Variants in RIBC2 observed in about 807,000 individuals in gnomAD.
The protein encoded by RIBC2 is RIB43A-like with coiled-coils protein 2.
In RIBC2, 40 loss-of-function variants were observed where a neutral mutation model predicts 44.3. That is an observed-to-expected ratio of 0.90 (90% confidence interval 0.70 to 1.18). The LOEUF (loss-of-function observed/expected upper bound fraction) is 1.18, where lower values mean the gene tolerates loss of function less well. Ranked by LOEUF, RIBC2 falls within the 50% of genes most tolerant of loss-of-function variation. The pLI is 0.00. For synonymous variants in RIBC2, 171 were observed against 175.0 expected (o/e 0.98, Z 0.18); for missense variants, 459 against 485.5 (o/e 0.95, Z 0.51).
At chr22:45,419,659 G>A (rs796782846) in intron 3 of RIBC2, among the ~76,000 whole-genome samples, 1 of 151,428 alleles carries the variant, frequency 6.6e-6, no homozygotes, top group South Asian at 2.1e-4. Flanking sequence ...ACTGAGCCTG[G>A]AAGGTCAAGG....
Position 45,426,281 on chromosome 22 carries a change from C to A in RIBC2, c.903+106C>A, listed in dbSNP as rs5765345. On this transcript the variant is annotated intron_variant, in intron 5 of 6. Transcript: ENST00000614167. ...TAGCAGGCCTTGTGCTCTGCCCTAGCACCTGCCCTCAAGGAGTTTCCCTTC... is the reference window on the plus strand; with the variant it reads ...TAGCAGGCCTTGTGCTCTGCCCTAGAACCTGCCCTCAAGGAGTTTCCCTTC... 5 of 961,844 alleles carry A rather than the reference C, an allele frequency of 5.2e-6. No individual in the cohort carries two copies. In the African/African-American group the frequency reaches 6.5e-5, roughly 13 times the overall value. 59.6% of individuals were successfully genotyped at this position (961,844 alleles called of 1,614,324 possible). A position where few individuals can be genotyped will look rare whatever the true frequency, so the allele number is the denominator to read the frequency against.
chr22:45,413,718 G>A lies in RIBC2; in HGVS notation c.-169G>A, dbSNP rs2087386007. ...GTTGTTGACATTTCCGAGAGAGCGGGAGCGTCTGTACCTCTGCGGCGTCAC... is the reference window on the plus strand; with the variant it reads ...GTTGTTGACATTTCCGAGAGAGCGGAAGCGTCTGTACCTCTGCGGCGTCAC... On this transcript the variant is annotated 5_prime_UTR_variant, in exon 1 of 7. Transcript: ENST00000614167. The A allele has an allele frequency of 8.6e-7, 1 of 1,160,818 alleles. No homozygotes were observed. Among genetic ancestry groups the A allele is most frequent in the Admixed American group, 2.3e-5 (1 of 43,144 alleles). 71.9% of individuals were successfully genotyped at this position (1,160,818 alleles called of 1,614,324 possible). A position where few individuals can be genotyped will look rare whatever the true frequency, so the allele number is the denominator to read the frequency against.
At chr22:45,414,455 A>G in intron 2 of RIBC2, 52 bp downstream of exon 2, 3 of 1,276,708 alleles carry the variant, frequency 2.3e-6, no homozygotes, top group Non-Finnish European at 3.2e-6. Flanking sequence ...GTGGCTTTAG[A>G]CTCCAGTCTT....
intron 3 of RIBC2, among the ~76,000 whole-genome samples, chr22:45,419,167 T>A (rs926268367): frequency 6.6e-6 from 1 of 152,198 alleles, no homozygotes; most frequent in African/African-American, 2.4e-5. Flanking sequence ...AGGCCATCAT[T>A]TCCCAGGTTT....
At chr22:45,422,509 C>A in intron 4 of RIBC2, 101 bp downstream of exon 4, 1 of 835,606 alleles carries the variant, frequency 1.2e-6, no homozygotes, top group Non-Finnish European at 2.0e-6. Context: ...CCAGTCTCAG[C>A]CTGCTCCCTG....
chr22:45,414,030 G>A lies in RIBC2; in HGVS notation c.129+15G>A. ...GGATAATTGGGGTGAAAGGGCAGGG[G>A]CCGGGACGGGGTTAGAGCGGCAGAT... On this transcript the variant is annotated intron_variant, in intron 1 of 6. Coordinates refer to ENST00000614167, the MANE Select transcript of RIBC2 (RefSeq NM_015653.5). 6.4e-7 allele frequency: 1 copy of A among 1,551,418 alleles called. No homozygotes were observed.
At chr22:45,414,300 T>A (rs1186176052) in intron 1 of RIBC2, 22 bp from the exon 2 acceptor site, 4 of 1,542,770 alleles carry the variant, frequency 2.6e-6, no homozygotes, top group Non-Finnish European at 3.5e-6. Flanking sequence ...CTAACCCTTC[T>A]CCTCTGTTTT....
chr22:45,421,320 T>C (rs9614661), intron 3 of RIBC2, among the ~76,000 whole-genome samples: 1 of 82,850 alleles, frequency 1.2e-5, no homozygotes, highest in Non-Finnish European at 2.0e-5. Context: ...ATTATTATTA[T>C]TAATACTATT....
At chr22:45,427,653 T>G (rs1486052908) in intron 5 of RIBC2, among the ~76,000 whole-genome samples, 1 of 152,232 alleles carries the variant, frequency 6.6e-6, no homozygotes, top group Non-Finnish European at 1.5e-5. Flanking sequence ...TGCATGTATT[T>G]TGAGACAGTC....
rs12165380 is a variant in RIBC2, at chr22:45,421,541, A to C, written c.557-749A>C. ...AATAATAATAATAGTATTATTAATAATATTAATAATAATAATAGTATTATT... is the reference window on the plus strand; with the variant it reads ...AATAATAATAATAGTATTATTAATACTATTAATAATAATAATAGTATTATT... On this transcript the variant is annotated intron_variant, in intron 3 of 6. Coordinates refer to ENST00000614167, the MANE Select transcript of RIBC2 (RefSeq NM_015653.5). Among the ~76,000 whole-genome samples the C allele has an allele frequency of 2.4e-3, 66 of 28,014 alleles. 2 individuals are homozygous for C. The highest frequency in any genetic ancestry group is 0.015 in the African/African-American group (47 of 3,086). 18.4% of individuals were successfully genotyped at this position (28,014 alleles called of 152,430 possible).
chr22:45,414,949 TCA>T (rs1267908760), intron 2 of RIBC2, among the ~76,000 whole-genome samples: 1 of 152,108 alleles, frequency 6.6e-6, no homozygotes, highest in Non-Finnish European at 1.5e-5. Context: ...ATGTCCGGGC[TCA>T]CACCCTCAAG....
rs145957159 is a variant in RIBC2 at position 45,426,041 on chromosome 22, C to A, written c.769C>A (p.Leu257Ile). 6.2e-6 allele frequency: 10 copies of A among 1,614,124 alleles called. 1 individual carries two copies. In the East Asian group the frequency reaches 2.0e-4, roughly 32 times the overall value. The change falls in exon 5 of 7, where the codon CTC becomes ATC. Residue 257 changes from leucine to isoleucine, a missense_variant. Coordinates refer to ENST00000614167, the MANE Select transcript of RIBC2 (RefSeq NM_015653.5). ...EITNLLRGDLLSENPQQAASS... is the reference protein window; with the variant it reads ...EITNLLRGDLISENPQQAASS... ...CACCAACCTCCTGCGTGGGGACCTG[C>A]TCTCCGAGAACCCGCAGCAGGCAGC...
At chr22:45,425,124 A>AAAACAAAC (rs538274364) in intron 4 of RIBC2, among the ~76,000 whole-genome samples, 1 of 151,988 alleles carries the variant, frequency 6.6e-6, no homozygotes, top group Admixed American at 6.6e-5. Flanking sequence ...CCGTCTCAAA[A>AAAACAAAC]AAACAAACAA....
At chr22:45,429,956 A>G (rs2087564642) in intron 5 of RIBC2, among the ~76,000 whole-genome samples, 1 of 152,086 alleles carries the variant, frequency 6.6e-6, no homozygotes, top group African/African-American at 2.4e-5. Context: ...TCTCACCTCA[A>G]ACAGCTGGGC....
At chr22:45,425,863 G>T (rs2087528521) in intron 4 of RIBC2, 85 bp from the exon 5 acceptor site, 1 of 1,154,810 alleles carries the variant, frequency 8.7e-7, no homozygotes, top group South Asian at 1.4e-5. Context: ...CCCCTCGAGG[G>T]CCCCCAGTGA....
intron 3 of RIBC2, among the ~76,000 whole-genome samples, chr22:45,421,554 TA>T (rs2146880986): frequency 2.8e-5 from 1 of 36,194 alleles, no homozygotes; most frequent in Admixed American, 2.3e-4. Context: ...TTAATAATAA[TA>T]ATAGTATTAT....
At chr22:45,426,216 G>C (rs753740908) in intron 5 of RIBC2, 41 bp downstream of exon 5, 1 of 1,543,640 alleles carries the variant, frequency 6.5e-7, no homozygotes, top group Non-Finnish European at 8.8e-7. Flanking sequence ...ATAGAGCCAG[G>C]CTCTTTGCTC....
At chr22:45,426,319 G>A in intron 5 of RIBC2, 144 bp downstream of exon 5, 1 of 683,282 alleles carries the variant, frequency 1.5e-6, no homozygotes, top group Non-Finnish European at 2.5e-6. Flanking sequence ...GTCGGTGGGA[G>A]ACAAGAGCCA....
In RIBC2 at chr22:45,425,990, G is replaced by T; in HGVS notation, c.718G>T (p.Glu240Ter). The change falls in exon 5 of 7, where the codon GAA (glutamate) becomes TAA (stop). Residue 240 changes from glutamate to a stop codon, truncating the protein, a stop_gained. Transcript: ENST00000614167. LOFTEE classifies it high-confidence loss of function. Reference protein sequence around the residue: ...VERKKQEKKQEQEDNLAEITN... With the variant: ...VERKKQEKKQ The stretch of plus-strand genomic sequence containing the variant: ...AAGGAAAAAGCAAGAGAAAAAGCAA[G>T]AACAAGAGGACAACTTGGCCGAGAT... 1.2e-6 allele frequency: 2 copies of T among 1,614,058 alleles called. No homozygotes were observed. The highest frequency in any genetic ancestry group is 1.1e-5 in the South Asian group (1 of 91,070).
Sources: gnomAD v4.1 joint callset for allele counts (sites outside exome capture counted in the v4.1 genomes callset) on GRCh38, gnomAD v4.1.1 for gene constraint, MANE v1.5 for transcripts, NCBI Gene and HGNC (gene_info 2026-07-23, HGNC 2026-07-21) for gene names.